Variants in DPP6 observed in about 807,000 individuals in gnomAD.
DPP6 encodes A-type potassium channel modulatory protein DPP6.
Under a neutral mutation model 122.6 loss-of-function variants are expected in DPP6, and 69 were observed. The ratio of observed to expected loss-of-function variants is 0.56; its 90% CI spans 0.46 to 0.69. DPP6 has a LOEUF of 0.69. DPP6 is among the 30% of genes least tolerant of loss of function. The pLI, the probability that DPP6 is intolerant of heterozygous loss-of-function variation, is 0.00. For missense variants in DPP6, 928 were observed against 1,116.9 expected (o/e 0.83, Z 2.41); for synonymous variants, 418 against 433.1 (o/e 0.97, Z 0.43).
chr7:153,839,969 C>G, the DPP6 span, among the ~76,000 whole-genome samples: 23 of 152,180 alleles, frequency 1.5e-4, no homozygotes, highest in Admixed American at 1.5e-3. Context: ...GATGCTTGTT[C>G]CCAAATGCTG....
chr7:154,821,042 G>A lies in DPP6; in HGVS notation c.1666+13930G>A, dbSNP rs1799727392. Among the ~76,000 whole-genome samples the A allele has an allele frequency of 6.6e-6, 1 of 152,168 alleles. No individual in the cohort carries two copies. The highest frequency in any genetic ancestry group is 1.5e-5 in the Non-Finnish European group (1 of 68,042). ...AGCATATTCTTAAGGCCGGTGTTGGGGATGCCCTTCTGGCTACTGTACTTC... is the reference window on the plus strand; with the variant it reads ...AGCATATTCTTAAGGCCGGTGTTGGAGATGCCCTTCTGGCTACTGTACTTC... On this transcript the variant is annotated intron_variant, in intron 16 of 25. Coordinates refer to ENST00000377770, the MANE Select transcript of DPP6 (RefSeq NM_130797.4). This position sits in a 1 kb window ranked among gnomAD's most constrained non-coding sequence, Gnocchi z 4.2.
rs571431663 is a variant in DPP6, at chr7:153,920,041, G to C, written c.51+32307G>C. 2.6e-5 allele frequency among the ~76,000 whole-genome samples: 4 copies of C among 152,302 alleles called. No homozygotes were observed. The South Asian group carries it at 6.2e-4, about 24-fold the overall frequency. Reference sequence around the variant, plus strand: ...CTTCTGCCTGAGGCCAAAATGTCCTGCAGTAGTAATGATTCAAATGTACCT... The same window carrying C: ...CTTCTGCCTGAGGCCAAAATGTCCTCCAGTAGTAATGATTCAAATGTACCT... On this transcript the variant is annotated intron_variant, in intron 1 of 25. Transcript: ENST00000404039.
At chr7:154,575,441 G>GGTGTGTGTATGTGTGTGTGAT (rs1563879598) in intron 5 of DPP6, among the ~76,000 whole-genome samples, 2 of 37,954 alleles carry the variant, frequency 5.3e-5, no homozygotes, top group Non-Finnish European at 9.1e-5. Flanking sequence ...GTATGTGTGT[G>GGTGTGTGTATGTGTGTGTGAT]GTGTGTGTAT....
chr7:154,315,309 A>G (rs1807338676), intron 1 of DPP6, among the ~76,000 whole-genome samples: 1 of 152,354 alleles, frequency 6.6e-6, no homozygotes, highest in South Asian at 2.1e-4. Flanking sequence ...GGTTTGGCCC[A>G]GCAGGGCTTC....
intron 4 of DPP6, among the ~76,000 whole-genome samples, chr7:154,545,888 C>A (rs1829144590): frequency 6.6e-6 from 1 of 152,142 alleles, no homozygotes; most frequent in African/African-American, 2.4e-5. Flanking sequence ...TTTTTATTGA[C>A]AATGCTATCA....
intron 4 of DPP6, among the ~76,000 whole-genome samples, chr7:154,545,003 G>C (rs1829052128): frequency 6.6e-6 from 1 of 152,206 alleles, no homozygotes; most frequent in South Asian, 2.1e-4. Context: ...CATGAAGCTG[G>C]ATGTAGCCTG....
At chr7:154,709,622 AT>A (rs1841049237) in intron 7 of DPP6, among the ~76,000 whole-genome samples, 1 of 151,688 alleles carries the variant, frequency 6.6e-6, no homozygotes, top group South Asian at 2.1e-4. Flanking sequence ...CAAAAAACAA[AT>A]ACTTGTAGTC....
chr7:154,378,406 G>A (rs1303877037), intron 1 of DPP6, among the ~76,000 whole-genome samples: 1 of 152,202 alleles, frequency 6.6e-6, no homozygotes. Context: ...CTTAGCTTTG[G>A]CTGCTATGAC....
At chr7:154,269,966 T>C (rs1406931616) in intron 1 of DPP6, among the ~76,000 whole-genome samples, 2 of 152,156 alleles carry the variant, frequency 1.3e-5, no homozygotes, top group Non-Finnish European at 2.9e-5. Context: ...TGGGAAATAA[T>C]GCAAAGGAAA....
intron 3 of DPP6, among the ~76,000 whole-genome samples, chr7:154,535,549 C>T (rs1186069316): frequency 6.6e-6 from 1 of 151,740 alleles, no homozygotes; most frequent in Non-Finnish European, 1.5e-5. Context: ...GTCCCCCATC[C>T]CCTGACAGGC....
chr7:154,488,719 A>G (rs1197859308), intron 3 of DPP6, among the ~76,000 whole-genome samples: 1 of 152,106 alleles, frequency 6.6e-6, no homozygotes, highest in African/African-American at 2.4e-5. Flanking sequence ...ATATTTACAA[A>G]TCTTCCAACT....
At chr7:154,422,752 G>C (rs1817581968) in intron 1 of DPP6, among the ~76,000 whole-genome samples, 1 of 134,496 alleles carries the variant, frequency 7.4e-6, no homozygotes, top group Non-Finnish European at 1.6e-5. Flanking sequence ...TGGGTGGGTG[G>C]GAGGTGGGTG....
chr7:153,862,061 T>TGA, the DPP6 span, among the ~76,000 whole-genome samples: 47 of 152,284 alleles, frequency 3.1e-4, no homozygotes, highest in African/African-American at 1.0e-3. Flanking sequence ...ATGTGGAAGA[T>TGA]GAGAGCCTGA....
the DPP6 span, among the ~76,000 whole-genome samples, chr7:153,833,551 A>C: frequency 6.6e-6 from 1 of 152,032 alleles, no homozygotes; most frequent in African/African-American, 2.4e-5. Context: ...CGTGCCTGTA[A>C]TTCCAGCTAC....
intron 1 of DPP6, among the ~76,000 whole-genome samples, chr7:154,380,763 G>T (rs1172994556): frequency 6.6e-6 from 1 of 152,208 alleles, no homozygotes; most frequent in Non-Finnish European, 1.5e-5. Context: ...AGAGGGGTTT[G>T]GTGAGAAGTG....
chr7:154,062,078 T>C (rs1802050570), intron 1 of DPP6, among the ~76,000 whole-genome samples: 1 of 107,688 alleles, frequency 9.3e-6, no homozygotes, highest in Admixed American at 9.4e-5. Flanking sequence ...CCCCACTGGC[T>C]CTTAGGACCC....
intron 1 of DPP6, chr7:154,057,478 T>A (rs1365251754): frequency 6.6e-6 from 1 of 151,662 alleles, no homozygotes; most frequent in Non-Finnish European, 1.4e-5. Flanking sequence ...AGCTCAAATC[T>A]TCCGACGGCA....
chr7:154,535,184 G>A lies in DPP6; in HGVS notation c.458-5348G>A, dbSNP rs147533847. 4.7e-3 allele frequency among the ~76,000 whole-genome samples: 714 copies of A among 152,176 alleles called. 17 individuals are homozygous for A. In the East Asian group the frequency reaches 0.077, roughly 16 times the overall value. ...GTTATGTATCTGAAAAGAAAGGAACGTTGCTGCTTGTTACATATACTGTCT... is the reference window on the plus strand; with the variant it reads ...GTTATGTATCTGAAAAGAAAGGAACATTGCTGCTTGTTACATATACTGTCT... On this transcript the variant is annotated intron_variant, in intron 3 of 25. Coordinates refer to ENST00000377770, the MANE Select transcript of DPP6 (RefSeq NM_130797.4).
rs937847195 is a variant in DPP6 at position 154,755,661 on chromosome 7, G to A, written c.884-13756G>A. Among the ~76,000 whole-genome samples the A allele has an allele frequency of 3.3e-5, 5 of 152,068 alleles. No individual in the cohort carries two copies. Among genetic ancestry groups the A allele is most frequent in the African/African-American group, 9.7e-5 (4 of 41,396 alleles). On this transcript the variant is annotated intron_variant, in intron 8 of 25. Coordinates refer to ENST00000377770, the MANE Select transcript of DPP6 (RefSeq NM_130797.4). The surrounding 1 kb of genome is among the most constrained non-coding windows in gnomAD (Gnocchi z 4.7). The stretch of plus-strand genomic sequence containing the variant: ...ACCACCCTTCTAAGAGGACTTACCC[G>A]GAAGCTGCCAAGTCTTACTGGAATT...
Sources: allele counts gnomAD v4.1 joint callset (sites outside exome capture counted in the v4.1 genomes callset), GRCh38; gene constraint gnomAD v4.1.1; non-coding constraint Gnocchi (gnomAD v3.1); transcripts MANE v1.5; gene names NCBI Gene and HGNC (gene_info 2026-07-23, HGNC 2026-07-21).